Variants in SLC25A26 observed in about 807,000 individuals in gnomAD.
The protein encoded by SLC25A26 is solute carrier family 25 member 26.
SLC25A26 carries 36 observed loss-of-function variants against 37.8 expected under a neutral mutation model. The observed-to-expected ratio is 0.95, with a 90% CI of 0.73 to 1.26. SLC25A26 has a LOEUF of 1.26. Ranked by LOEUF, SLC25A26 falls within the 50% of genes most tolerant of loss-of-function variation. The pLI, the probability that SLC25A26 is intolerant of heterozygous loss-of-function variation, is 0.00. For missense variants in SLC25A26, 390 were observed against 331.1 expected (o/e 1.18, Z -1.38); for synonymous variants, 129 against 122.5 (o/e 1.05, Z -0.35).
At chr3:66,213,769 T>C (rs1187439727) in intron 1 of SLC25A26, among the ~76,000 whole-genome samples, 1 of 152,040 alleles carries the variant, frequency 6.6e-6, no homozygotes, top group African/African-American at 2.4e-5. Context: ...AAAAATTCTC[T>C]GTGCTTCACC....
chr3:66,302,991 A>G (rs1270013633), intron 5 of SLC25A26, among the ~76,000 whole-genome samples: 2 of 152,154 alleles, frequency 1.3e-5, no homozygotes, highest in Admixed American at 1.3e-4. Context: ...CCCCCTTTGC[A>G]TTCCAGGCTG....
rs137911273 is a variant in SLC25A26, at chr3:66,331,481, ACTT to A, written c.454-14879_454-14877del. Among the ~76,000 whole-genome samples the A allele has an allele frequency of 3.0e-3, 455 of 152,182 alleles. 3 individuals carry two copies. The highest frequency in any genetic ancestry group is 0.016 in the East Asian group (85 of 5,184). ...CCATGCCTATCCTTTTATTTCCAAG[ACTT>A]CTTTATTTTGTTTTATGTGTGTGTG... On this transcript the variant is annotated intron_variant, in intron 5 of 9. Coordinates refer to ENST00000354883, the MANE Select transcript of SLC25A26 (RefSeq NM_001379210.1).
At chr3:66,251,154 G>T (rs1268239407) in intron 3 of SLC25A26, among the ~76,000 whole-genome samples, 1 of 152,148 alleles carries the variant, frequency 6.6e-6, no homozygotes. Context: ...ACCCTGAGGC[G>T]AAGCAGGGGC....
At chr3:66,152,162 C>A (rs868175337) in intron 1 of SLC25A26, among the ~76,000 whole-genome samples, 1 of 152,160 alleles carries the variant, frequency 6.6e-6, no homozygotes, top group Non-Finnish European at 1.5e-5. Context: ...CCTCGAAAAT[C>A]TTGTTACAAT....
At chr3:66,244,443 G>A (rs2072730131) in intron 3 of SLC25A26, among the ~76,000 whole-genome samples, 1 of 152,136 alleles carries the variant, frequency 6.6e-6, no homozygotes, top group Admixed American at 6.5e-5. Context: ...TAGAAGATTT[G>A]AACAACACAA....
intron 1 of SLC25A26, among the ~76,000 whole-genome samples, chr3:66,234,110 C>T (rs376488215): frequency 0.033 from 4,899 of 148,492 alleles, 271 homozygotes; most frequent in African/African-American, 0.11. Context: ...AGAGATGAGT[C>T]TCCCTGTGTT....
chr3:66,376,002 T>C (rs1184243042), intron 9 of SLC25A26, among the ~76,000 whole-genome samples: 1 of 150,318 alleles, frequency 6.7e-6, no homozygotes, highest in African/African-American at 2.5e-5. Flanking sequence ...GCTGGGACTT[T>C]GGAAGAAGTT....
At position 66,214,651 on chromosome 3, in the gene SLC25A26, GGTATTA is replaced by G. The variant is rs1419274100; in HGVS notation, c.-353-6088_-353-6083del. On this transcript the variant is annotated intron_variant, in intron 1 of 10. Transcript: ENST00000676754. ...TGATCTTTACTCATTTTTTTCTATTGGTATTAGTGTTTTTCTGTTGAGTTATGGGAA... is the reference window on the plus strand; with the variant it reads ...TGATCTTTACTCATTTTTTTCTATTGGTGTTTTTCTGTTGAGTTATGGGAA... 5.6e-3 allele frequency among the ~76,000 whole-genome samples: 855 copies of G among 151,450 alleles called. 6 individuals carry two copies. Among genetic ancestry groups the G allele is most frequent in the Non-Finnish European group, 6.0e-3 (406 of 67,820 alleles).
intron 5 of SLC25A26, among the ~76,000 whole-genome samples, chr3:66,342,325 C>A (rs1559718671): frequency 6.6e-6 from 1 of 151,924 alleles, no homozygotes; most frequent in Non-Finnish European, 1.5e-5. Context: ...TTTTAGATGG[C>A]CTTTCTTGGT....
intron 4 of SLC25A26, 88 bp from the exon 5 acceptor site, chr3:66,263,240 TCAAA>T (rs1576743482): frequency 1.1e-6 from 1 of 873,408 alleles, no homozygotes. Flanking sequence ...GTTCTAGAAC[TCAAA>T]CAAGAGCAGG....
intron 1 of SLC25A26, among the ~76,000 whole-genome samples, chr3:66,225,425 G>A (rs1553660150): frequency 6.6e-6 from 1 of 152,118 alleles, no homozygotes; most frequent in East Asian, 1.9e-4. Flanking sequence ...TGTAATGGCT[G>A]GGACACAGGG....
upstream of SLC25A26, among the ~76,000 whole-genome samples, chr3:66,216,842 A>G (rs1246720129): frequency 6.6e-6 from 1 of 152,164 alleles, no homozygotes; most frequent in African/African-American, 2.4e-5. Flanking sequence ...AAGATTTGAG[A>G]ACATATGCTG....
intron 7 of SLC25A26, among the ~76,000 whole-genome samples, chr3:66,369,036 A>C (rs1434491105): frequency 6.3e-5 from 3 of 47,604 alleles, no homozygotes; most frequent in Admixed American, 2.8e-4. Flanking sequence ...AAAAAAAAAA[A>C]AAAAAAACAA....
chr3:66,279,298 T>G (rs2074259082), intron 5 of SLC25A26, among the ~76,000 whole-genome samples: 1 of 152,182 alleles, frequency 6.6e-6, no homozygotes, highest in East Asian at 1.9e-4. Flanking sequence ...GTGTTTGGGC[T>G]TCTATTCTTG....
chr3:66,184,819 C>G (rs2070794995), intron 1 of SLC25A26, among the ~76,000 whole-genome samples: 1 of 152,106 alleles, frequency 6.6e-6, no homozygotes, highest in East Asian at 1.9e-4. Context: ...AAATTTCAAC[C>G]TGTCCCTGGT....
At chr3:66,346,832 T>C (rs1408312767) in intron 6 of SLC25A26, among the ~76,000 whole-genome samples, 15 of 149,796 alleles carry the variant, frequency 1.0e-4, no homozygotes. Context: ...ACTTGAAGAC[T>C]GAGAAGGACC....
At chr3:66,212,908 C>T (rs961154521) in intron 1 of SLC25A26, among the ~76,000 whole-genome samples, 16 of 152,270 alleles carry the variant, frequency 1.1e-4, no homozygotes, top group African/African-American at 3.1e-4. Context: ...GATTGACATT[C>T]GGTTGTAGAA....
chr3:66,373,126 G>T (rs1700442875), intron 9 of SLC25A26, among the ~76,000 whole-genome samples: 1 of 152,146 alleles, frequency 6.6e-6, no homozygotes. Context: ...ACCCCGGATG[G>T]CCCCTTTCTG....
At chr3:66,342,736 C>T (rs1212972559) in intron 5 of SLC25A26, among the ~76,000 whole-genome samples, 1 of 152,132 alleles carries the variant, frequency 6.6e-6, no homozygotes, top group African/African-American at 2.4e-5. Context: ...ACCTCGAATC[C>T]TCACATGCAC....
Sources: gnomAD v4.1 joint callset for allele counts (sites outside exome capture counted in the v4.1 genomes callset) on GRCh38, gnomAD v4.1.1 for gene constraint, MANE v1.5 for transcripts, NCBI Gene and HGNC (gene_info 2026-07-23, HGNC 2026-07-21) for gene names.